Variants in KCNU1 observed in about 807,000 individuals in gnomAD.
The protein encoded by KCNU1 is potassium channel subfamily U member 1.
In KCNU1, 93 loss-of-function variants were observed where a neutral mutation model predicts 126.8. The observed-to-expected ratio is 0.73, with a 90% confidence interval of 0.62 to 0.87. KCNU1 has a LOEUF of 0.87. Ranked by LOEUF, KCNU1 falls within the 40% of genes least tolerant of loss-of-function variation. KCNU1 has a pLI of 0.00. For missense variants in KCNU1, 1,330 were observed against 1,367.1 expected (o/e 0.97, Z 0.43); for synonymous variants, 523 against 494.2 (o/e 1.06, Z -0.77).
chr8:36,799,458 AG>A (rs928158553), intron 2 of KCNU1, among the ~76,000 whole-genome samples: 20 of 140,000 alleles, frequency 1.4e-4, no homozygotes, highest in South Asian at 2.4e-4. Flanking sequence ...TTTTTTTGGG[AG>A]GGGGGGCAGG....
intron 18 of KCNU1, among the ~76,000 whole-genome samples, chr8:36,846,742 A>G (rs1267123489): frequency 1.3e-5 from 2 of 149,102 alleles, no homozygotes; most frequent in East Asian, 2.0e-4. Flanking sequence ...CGGAGGTTGC[A>G]GTAAGCCGAG....
At chr8:36,839,782 C>T (rs543484922) in intron 14 of KCNU1, among the ~76,000 whole-genome samples, 2 of 152,290 alleles carry the variant, frequency 1.3e-5, no homozygotes, top group African/African-American at 4.8e-5. Context: ...TGGTGATTCT[C>T]ATGGCAGTAG....
At chr8:36,785,641 A>G (rs535781437) in intron 1 of KCNU1, among the ~76,000 whole-genome samples, 17 of 152,204 alleles carry the variant, frequency 1.1e-4, no homozygotes, top group Non-Finnish European at 2.4e-4. Flanking sequence ...GTGGCACAAT[A>G]ATTGGAGAAA....
intron 19 of KCNU1, among the ~76,000 whole-genome samples, chr8:36,900,062 C>T (rs887377877): frequency 8.5e-5 from 13 of 152,070 alleles, no homozygotes; most frequent in African/African-American, 3.1e-4. Flanking sequence ...CTGCTGTCAA[C>T]GTATGTCACA....
At chr8:36,813,512 G>T (rs1419835071) in intron 7 of KCNU1, among the ~76,000 whole-genome samples, 1 of 150,054 alleles carries the variant, frequency 6.7e-6, no homozygotes, top group African/African-American at 2.4e-5. Context: ...AATATATTAT[G>T]TTACACAATA....
At position 36,859,484 on chromosome 8, in the gene KCNU1, C is replaced by A. The variant is rs188634408; in HGVS notation, c.1892-4920C>A. Among the ~76,000 whole-genome samples the A allele has an allele frequency of 1.3e-3, 204 of 152,274 alleles. 1 individual carries two copies. The highest frequency in any genetic ancestry group is 4.8e-3 in the African/African-American group (200 of 41,554). ...GAACCCAGAAGACTTGAGTTGTGAT[C>A]ACAGCTATTCCACTGATTACTGTGG... is the stretch of plus-strand genomic sequence containing the variant. On this transcript the variant is annotated intron_variant, in intron 18 of 26. Coordinates refer to ENST00000399881, the MANE Select transcript of KCNU1 (RefSeq NM_001031836.3).
rs145749417 is a variant in KCNU1, at chr8:36,788,674, A to C, written c.315+1249A>C. ...GCAGGGAATGTTGAATCATCTGGAA[A>C]TGTGCCTCTCCTTTTTCTGTCTTCC... is the stretch of plus-strand genomic sequence containing the variant. On this transcript the variant is annotated intron_variant, in intron 2 of 26. Transcript: ENST00000399881. 6.3e-3 allele frequency among the ~76,000 whole-genome samples: 957 copies of C among 152,342 alleles called. 23 individuals carry two copies. Among genetic ancestry groups the C allele is most frequent in the Admixed American group, 0.048 (735 of 15,302 alleles).
intron 2 of KCNU1, among the ~76,000 whole-genome samples, chr8:36,799,765 C>A (rs1803238115): frequency 1.3e-5 from 2 of 151,760 alleles, no homozygotes; most frequent in Admixed American, 6.6e-5. Context: ...TCTCTTGAAC[C>A]CCTGACCTCA....
At chr8:36,828,055 A>G (rs1340638792) in intron 10 of KCNU1, among the ~76,000 whole-genome samples, 1 of 152,110 alleles carries the variant, frequency 6.6e-6, no homozygotes, top group African/African-American at 2.4e-5. Context: ...AGTTTTTAAT[A>G]TTATCACAGT....
At chr8:36,847,686 T>C (rs1054724711) in intron 18 of KCNU1, among the ~76,000 whole-genome samples, 1 of 152,250 alleles carries the variant, frequency 6.6e-6, no homozygotes, top group East Asian at 1.9e-4. Context: ...TCATTGTTTA[T>C]ACGTATCACA....
rs965613752 is a variant in KCNU1, at chr8:36,836,374, A to T, written c.1365+9A>T. On this transcript the variant is annotated intron_variant, in intron 13 of 26. Transcript: ENST00000399881. ...TGCAATCCCATAACAAGGTATAGTA[A>T]CATTCTAGCATATTCCATCTCCTCC... is the stretch of plus-strand genomic sequence containing the variant. The T allele has an allele frequency of 1.2e-5, 18 of 1,535,710 alleles. No homozygotes were observed. Among genetic ancestry groups the T allele is most frequent in the Non-Finnish European group, 1.6e-5 (18 of 1,111,072 alleles).
chr8:36,817,686 T>C lies in KCNU1; in HGVS notation c.1032T>C (p.Ser344=), dbSNP rs767587910. ...IVVCGNITVD[S]VTAFLRNFLR... The stretch of plus-strand genomic sequence containing the variant: ...TCTGTGGAAACATCACTGTGGACAG[T>C]GTGACCGCTTTCCTGAGGAATTTCC... The change falls in exon 10 of 27, where the codon AGT becomes AGC. Residue 344 remains serine, a synonymous_variant. Coordinates refer to ENST00000399881, the MANE Select transcript of KCNU1 (RefSeq NM_001031836.3). The C allele has an allele frequency of 3.7e-6, 6 of 1,612,802 alleles. No individual in the cohort carries two copies. In the Admixed American group the frequency reaches 1.0e-4, roughly 27 times the overall value.
chr8:36,836,752 G>A, intron 13 of KCNU1, 41 bp from the exon 14 acceptor site: 1 of 1,594,474 alleles, frequency 6.3e-7, no homozygotes, highest in South Asian at 1.1e-5. Flanking sequence ...CTTGAGGTGT[G>A]TTTATTCCTA....
At chr8:36,877,665 ACTGAAATATACT>A (rs1303782239) in intron 19 of KCNU1, among the ~76,000 whole-genome samples, 1 of 152,008 alleles carries the variant, frequency 6.6e-6, no homozygotes, top group East Asian at 1.9e-4. Context: ...CTAGACAAAC[ACTGAAATATACT>A]CTGGTGTGGT....
At chr8:36,872,511 C>T (rs752213274) in intron 19 of KCNU1, among the ~76,000 whole-genome samples, 3 of 152,090 alleles carry the variant, frequency 2.0e-5, no homozygotes, top group Non-Finnish European at 4.4e-5. Context: ...GCTCTGTGAC[C>T]ATAAGCAAGT....
intron 18 of KCNU1, among the ~76,000 whole-genome samples, 171 bp from the exon 19 acceptor site, chr8:36,864,233 G>A (rs991896384): frequency 6.6e-6 from 1 of 152,124 alleles, no homozygotes; most frequent in Non-Finnish European, 1.5e-5. Flanking sequence ...TAATTCTGTA[G>A]AAGGAAAGCA....
chr8:36,929,959 A>G (rs1330698979), intron 24 of KCNU1, among the ~76,000 whole-genome samples: 1 of 152,182 alleles, frequency 6.6e-6, no homozygotes, highest in Non-Finnish European at 1.5e-5. Context: ...ATGATAATCC[A>G]GATTTCAGAA....
chr8:36,841,727 A>G (rs1052392149), intron 16 of KCNU1, among the ~76,000 whole-genome samples: 1 of 152,122 alleles, frequency 6.6e-6, no homozygotes, highest in African/African-American at 2.4e-5. Context: ...GTACAGGACA[A>G]ACTATGGCAA....
rs189291258 is a variant in KCNU1, at chr8:36,905,755, G to C, written c.2057G>C (p.Ser686Thr). 5.6e-5 allele frequency: 90 copies of C among 1,606,076 alleles called. No individual in the cohort carries two copies. In the African/African-American group the frequency reaches 1.1e-3, roughly 20 times the overall value. The part of the protein sequence containing the change: ...VEQDSDQLDS[S>T]GMFHWCKPTS... ...CAAGATTCTGACCAGCTTGATAGCAGTGGGATGTTTCACTGGTGCAAACCA... is the reference window on the plus strand; with the variant it reads ...CAAGATTCTGACCAGCTTGATAGCACTGGGATGTTTCACTGGTGCAAACCA... The change falls in exon 20 of 27, where the codon AGT becomes ACT. Residue 686 changes from serine to threonine, a missense_variant. Ser to Thr is a moderately conservative substitution (Grantham distance 58). Coordinates refer to ENST00000399881, the MANE Select transcript of KCNU1 (RefSeq NM_001031836.3).
Sources: allele counts gnomAD v4.1 joint callset (sites outside exome capture counted in the v4.1 genomes callset), GRCh38; gene constraint gnomAD v4.1.1; transcripts MANE v1.5; gene names NCBI Gene and HGNC (gene_info 2026-07-23, HGNC 2026-07-21).